The following INVS variants were observed in gnomAD, a reference collection of about 807,000 sequenced individuals.
The protein encoded by INVS is inversin.
INVS carries 86 observed loss-of-function variants against 108.8 expected under a neutral mutation model. That is an observed-to-expected ratio of 0.79 (90% CI 0.66 to 0.95). The LOEUF (loss-of-function observed/expected upper bound fraction) is 0.95. INVS is among the 40% of genes least tolerant of loss of function. The pLI is 0.00. For synonymous variants in INVS, 455 were observed against 473.5 expected, an observed-to-expected ratio of 0.96 and a Z score of 0.51; for missense variants, 1,169 against 1,297.4, an observed-to-expected ratio of 0.90 and a Z score of 1.52.
Position 100,109,421 on chromosome 9 carries a change from A to G in INVS, c.106+4794A>G, listed in dbSNP as rs1331832750. ...GTTTTTCATAGCTTCAGATGTCTCA[A>G]TATGAAAGAGCACTAAATGCAACAA... On this transcript the variant is annotated intron_variant, in intron 2 of 16. Coordinates refer to ENST00000262457, the MANE Select transcript of INVS (RefSeq NM_014425.5). Among the ~76,000 whole-genome samples, 8 of 152,356 alleles carry G rather than the reference A, an allele frequency of 5.3e-5. No individual in the cohort carries two copies. The East Asian group carries it at 1.2e-3, about 22-fold the overall frequency.
At chr9:100,129,833 C>G in intron 3 of INVS, 3 of 463,316 alleles carry the variant, frequency 6.5e-6, no homozygotes, top group Non-Finnish European at 1.2e-5. Context: ...GAAGCAGCAG[C>G]CTTACCAGGC....
At chr9:100,133,217 A>G (rs1418319261) in intron 3 of INVS, among the ~76,000 whole-genome samples, 2 of 152,194 alleles carry the variant, frequency 1.3e-5, no homozygotes, top group East Asian at 1.9e-4. Context: ...ATTTTTAAAC[A>G]AAACTATAGA....
rs1832998756 is a variant in INVS, at chr9:100,272,890, T to C, written c.1598T>C (p.Leu533Pro). Reference protein sequence around the residue: ...ERYTPLDYALLGERHEVIQFM... With the variant: ...ERYTPLDYALPGERHEVIQFM... ...TACACACCCCTTGATTATGCTTTGC[T>C]TGGTGAGCGCCATGAAGTGATCCAG... Residue 533 changes from leucine to proline, a missense_variant, in exon 12 of 17, where the codon CTT becomes CCT. Transcript: ENST00000262457. 3 of 1,614,070 alleles carry C rather than the reference T, an allele frequency of 1.9e-6. No homozygotes were observed. The highest frequency in any genetic ancestry group is 1.7e-6 in the Non-Finnish European group (2 of 1,180,012).
At chr9:100,225,316 G>A (rs1481789195) in intron 3 of INVS, among the ~76,000 whole-genome samples, 2 of 150,498 alleles carry the variant, frequency 1.3e-5, no homozygotes, top group Non-Finnish European at 2.9e-5. Context: ...CCAAAGTGCT[G>A]GGGTTGCAGA....
chr9:100,226,966 T>A (rs992438864), intron 4 of INVS, among the ~76,000 whole-genome samples: 2 of 152,226 alleles, frequency 1.3e-5, no homozygotes, highest in Non-Finnish European at 2.9e-5. Flanking sequence ...TGGCCTACGC[T>A]TTGGTATCAG....
At chr9:100,174,608 T>G (rs1414206887) in intron 3 of INVS, among the ~76,000 whole-genome samples, 3 of 152,064 alleles carry the variant, frequency 2.0e-5, no homozygotes, top group African/African-American at 7.2e-5. Context: ...TGAACTCCAA[T>G]AAGATAAATA....
intron 12 of INVS, among the ~76,000 whole-genome samples, chr9:100,277,861 T>C (rs1833156514): frequency 2.0e-5 from 3 of 152,312 alleles, no homozygotes; most frequent in Admixed American, 6.5e-5. Flanking sequence ...AAATCTTTTT[T>C]GTCTCATGAG....
chr9:100,270,748 CAAAAAAAAAAAA>C (rs746291227), intron 11 of INVS, among the ~76,000 whole-genome samples: 1 of 47,210 alleles, frequency 2.1e-5, no homozygotes, highest in Admixed American at 2.4e-4. Flanking sequence ...AACTCCATCT[CAAAAAAAAAAAA>C]AAAAAAAAAA....
intron 3 of INVS, among the ~76,000 whole-genome samples, chr9:100,163,240 A>G (rs1829250008): frequency 1.3e-5 from 2 of 149,914 alleles, no homozygotes; most frequent in South Asian, 2.1e-4. Flanking sequence ...AATGCTCCCA[A>G]ATGAGGAAAC....
Position 100,178,722 on chromosome 9 carries a change from A to G in INVS, c.274-47340A>G, listed in dbSNP as rs138798031. Among the ~76,000 whole-genome samples, 493 of 152,356 alleles carry G rather than the reference A, an allele frequency of 3.2e-3. 9 individuals carry two copies. The highest frequency in any genetic ancestry group is 5.3e-4 in the Non-Finnish European group (36 of 68,038). ...ACCAAATTGGAAAACACTCTTCAGG[A>G]TATTATCCGGGAGAACTTTCCCCAC... is the stretch of plus-strand genomic sequence containing the variant. On this transcript the variant is annotated intron_variant, in intron 3 of 16. Coordinates refer to ENST00000262457, the MANE Select transcript of INVS (RefSeq NM_014425.5).
chr9:100,252,833 G>GT (rs1832280524), intron 9 of INVS, 74 bp from the exon 10 acceptor site: 4 of 1,027,990 alleles, frequency 3.9e-6, no homozygotes, highest in South Asian at 2.7e-5. Flanking sequence ...AGGAACAATT[G>GT]TTTTTTCTAC....
chr9:100,136,451 T>G (rs1021944477), intron 3 of INVS, among the ~76,000 whole-genome samples: 4 of 152,218 alleles, frequency 2.6e-5, no homozygotes, highest in Non-Finnish European at 5.9e-5. Flanking sequence ...ATCCCCACGA[T>G]ATCATTGTAC....
At chr9:100,264,020 T>G (rs1832708889) in intron 10 of INVS, among the ~76,000 whole-genome samples, 1 of 152,210 alleles carries the variant, frequency 6.6e-6, no homozygotes, top group Non-Finnish European at 1.5e-5. Flanking sequence ...CCCTTGTATA[T>G]TTGGAAGCTT....
intron 4 of INVS, among the ~76,000 whole-genome samples, chr9:100,226,674 A>G (rs1831332469): frequency 6.6e-6 from 1 of 152,004 alleles, no homozygotes; most frequent in Non-Finnish European, 1.5e-5. Flanking sequence ...TTAGCCGGGC[A>G]TGTTGGCATG....
intron 3 of INVS, among the ~76,000 whole-genome samples, chr9:100,137,399 G>C (rs901471352): frequency 6.6e-6 from 1 of 152,156 alleles, no homozygotes; most frequent in Non-Finnish European, 1.5e-5. Context: ...AAGTGAGAAA[G>C]CTAGTGTTTA....
At chr9:100,234,554 G>A (rs1461582904) in intron 5 of INVS, among the ~76,000 whole-genome samples, 2 of 152,092 alleles carry the variant, frequency 1.3e-5, no homozygotes, top group African/African-American at 2.4e-5. Flanking sequence ...CGCAGATTCT[G>A]GTACGTTGTG....
At chr9:100,299,608 C>G (rs1833897895) in intron 16 of INVS, among the ~76,000 whole-genome samples, 1 of 136,378 alleles carries the variant, frequency 7.3e-6, no homozygotes, top group Non-Finnish European at 1.5e-5. Context: ...AAACCACCCA[C>G]CAAGAATCTC....
intron 3 of INVS, among the ~76,000 whole-genome samples, chr9:100,170,074 G>A (rs1381285213): frequency 1.3e-5 from 2 of 152,174 alleles, no homozygotes; most frequent in Non-Finnish European, 2.9e-5. Flanking sequence ...CAATACTACT[G>A]ACTAAGAATT....
At chr9:100,278,537 T>C (rs1833178498) in intron 12 of INVS, among the ~76,000 whole-genome samples, 1 of 152,224 alleles carries the variant, frequency 6.6e-6, no homozygotes. Context: ...CTGTGTGTTA[T>C]GTACCTCCAC....
Sources: allele counts gnomAD v4.1 joint callset (sites outside exome capture counted in the v4.1 genomes callset), GRCh38; gene constraint gnomAD v4.1.1; transcripts MANE v1.5; gene names NCBI Gene and HGNC (gene_info 2026-07-23, HGNC 2026-07-21).